The following CERT1 variants were observed in gnomAD, a reference collection of about 807,000 sequenced individuals.
The protein encoded by CERT1 is ceramide transfer protein.
Under a neutral mutation model 87.9 loss-of-function variants are expected in CERT1, and 31 were observed. That is an observed-to-expected ratio of 0.35 (90% confidence interval 0.27 to 0.48). The LOEUF is 0.48. Ranked by LOEUF, CERT1 falls within the 20% of genes least tolerant of loss-of-function variation. CERT1 has a pLI of 0.99. For missense variants in CERT1, 487 were observed against 758.0 expected (o/e 0.64, Z 4.20); for synonymous variants, 289 against 250.9 (o/e 1.15, Z -1.44).
intron 8 of CERT1, among the ~76,000 whole-genome samples, chr5:75,403,992 A>T (rs914895591): frequency 2.0e-5 from 3 of 152,236 alleles, no homozygotes; most frequent in Non-Finnish European, 4.4e-5. Flanking sequence ...TTGTATTATG[A>T]TAAAAGTAGA....
intron 2 of CERT1, among the ~76,000 whole-genome samples, chr5:75,487,158 G>A (rs1766562646): frequency 6.6e-6 from 1 of 152,086 alleles, no homozygotes; most frequent in South Asian, 2.1e-4. Context: ...AAACAGAACA[G>A]AGCTCAGAAA....
chr5:75,507,735 A>T (rs1483329725), intron 1 of CERT1, among the ~76,000 whole-genome samples: 1 of 152,150 alleles, frequency 6.6e-6, no homozygotes, highest in Non-Finnish European at 1.5e-5. Context: ...ATGTGAAGAG[A>T]GTTTTGACAA....
intron 2 of CERT1, among the ~76,000 whole-genome samples, chr5:75,492,578 T>C (rs4640773): frequency 0.078 from 11,932 of 152,164 alleles, 1,112 homozygotes; most frequent in African/African-American, 0.22. Context: ...AGCAGCCAGG[T>C]TGGTATAAGG....
intron 5 of CERT1, among the ~76,000 whole-genome samples, chr5:75,423,645 G>A (rs1307622915): frequency 5.3e-5 from 8 of 152,152 alleles, no homozygotes. Flanking sequence ...GGAAGTTGAG[G>A]CAGGAGGATC....
chr5:75,423,828 T>C (rs1363954140), intron 5 of CERT1, among the ~76,000 whole-genome samples: 2 of 152,090 alleles, frequency 1.3e-5, no homozygotes, highest in Non-Finnish European at 2.9e-5. Context: ...CCACGAGTTA[T>C]ACCTAAGAAG....
At chr5:75,449,403 G>T (rs10070207) in intron 3 of CERT1, among the ~76,000 whole-genome samples, 45,681 of 152,086 alleles carry the variant, frequency 0.3, 8,026 homozygotes, top group African/African-American at 0.49. Flanking sequence ...ATTCCAACTT[G>T]CCTTGCAGGT....
At chr5:75,463,969 T>C (rs1765347081) in intron 2 of CERT1, among the ~76,000 whole-genome samples, 1 of 152,134 alleles carries the variant, frequency 6.6e-6, no homozygotes, top group Non-Finnish European at 1.5e-5. Flanking sequence ...TTTCAGTTCT[T>C]TGATACTACC....
chr5:75,475,416 C>A (rs1765912986), intron 2 of CERT1, among the ~76,000 whole-genome samples: 1 of 152,138 alleles, frequency 6.6e-6, no homozygotes, highest in South Asian at 2.1e-4. Context: ...ACCCTGTCTG[C>A]TGCTGCCCCA....
intron 3 of CERT1, among the ~76,000 whole-genome samples, chr5:75,454,703 C>T (rs1764903109): frequency 6.6e-6 from 1 of 152,166 alleles, no homozygotes; most frequent in Non-Finnish European, 1.5e-5. Flanking sequence ...CCTCTTACAA[C>T]TACACAAGAA....
intron 3 of CERT1, among the ~76,000 whole-genome samples, chr5:75,449,096 A>G (rs1561270969): frequency 1.3e-5 from 2 of 152,212 alleles, no homozygotes; most frequent in African/African-American, 2.4e-5. Flanking sequence ...ACTTTCTTTA[A>G]AAACAAATAA....
At chr5:75,411,409 G>C (rs1762931667) in intron 7 of CERT1, among the ~76,000 whole-genome samples, 1 of 152,174 alleles carries the variant, frequency 6.6e-6, no homozygotes, top group Admixed American at 6.5e-5. Context: ...CGCCTCCTGG[G>C]TTCAAGCAAT....
At chr5:75,511,053 G>A (rs1580880400) in intron 1 of CERT1, 59 bp downstream of exon 1, 3 of 1,467,714 alleles carry the variant, frequency 2.0e-6, no homozygotes, top group Middle Eastern at 1.9e-4. Flanking sequence ...CCGCCTCAGC[G>A]GATTGCCTCG....
intron 5 of CERT1, among the ~76,000 whole-genome samples, chr5:75,423,908 G>T (rs557561901): frequency 6.6e-6 from 1 of 151,996 alleles, no homozygotes; most frequent in Admixed American, 6.6e-5. Flanking sequence ...CAGAAAAAGG[G>T]AATATAGAAT....
At chr5:75,446,956 A>C (rs1429417748) in intron 3 of CERT1, among the ~76,000 whole-genome samples, 7 of 152,166 alleles carry the variant, frequency 4.6e-5, no homozygotes. Flanking sequence ...ATGGTCACCC[A>C]CCTCTTTTTC....
chr5:75,382,222 T>A (rs2111996850), intron 14 of CERT1, 145 bp from the exon 15 acceptor site: 1 of 687,950 alleles, frequency 1.5e-6, no homozygotes, highest in East Asian at 2.7e-5. Flanking sequence ...AAATGATTAA[T>A]TATGAACAGA....
intron 3 of CERT1, among the ~76,000 whole-genome samples, chr5:75,429,061 T>C (rs1302715810): frequency 6.6e-6 from 1 of 151,778 alleles, no homozygotes; most frequent in Non-Finnish European, 1.5e-5. Flanking sequence ...ATTTTCCGCT[T>C]CTCAGATTAA....
chr5:75,403,798 AT>A (rs1762598799), intron 8 of CERT1, among the ~76,000 whole-genome samples: 1 of 152,180 alleles, frequency 6.6e-6, no homozygotes, highest in Non-Finnish European at 1.5e-5. Flanking sequence ...ATGGCCAAAA[AT>A]TATTTCTTAG....
At chr5:75,503,400 G>A (rs934365519) in intron 2 of CERT1, among the ~76,000 whole-genome samples, 1 of 151,880 alleles carries the variant, frequency 6.6e-6, no homozygotes, top group African/African-American at 2.4e-5. Context: ...ACCAAGAGAT[G>A]CCTATTAAAA....
At chr5:75,451,866 C>T (rs1444692723) in intron 3 of CERT1, among the ~76,000 whole-genome samples, 1 of 152,050 alleles carries the variant, frequency 6.6e-6, no homozygotes, top group African/African-American at 2.4e-5. Flanking sequence ...CTGACTCTGA[C>T]AGAGCATGGG....
Sources: allele counts gnomAD v4.1 joint callset (sites outside exome capture counted in the v4.1 genomes callset), GRCh38; gene constraint gnomAD v4.1.1; transcripts MANE v1.5; gene names NCBI Gene and HGNC (gene_info 2026-07-23, HGNC 2026-07-21).